The following TACC1 variants were observed in gnomAD, a reference collection of about 807,000 sequenced individuals.
TACC1 encodes transforming acidic coiled-coil-containing protein 1.
Under a neutral mutation model 84.4 loss-of-function variants are expected in TACC1, and 48 were observed. That is an observed-to-expected ratio of 0.57 (90% CI 0.45 to 0.72). The LOEUF (loss-of-function observed/expected upper bound fraction) is 0.72. TACC1 is among the 30% of genes least tolerant of loss of function. TACC1 has a pLI of 0.00. For missense variants in TACC1, 920 were observed against 973.0 expected, an observed-to-expected ratio of 0.95 and a Z score of 0.72; for synonymous variants, 372 against 376.3, an observed-to-expected ratio of 0.99 and a Z score of 0.13.
chr8:38,762,573 G>A (rs1291846616), intron 3 of TACC1, among the ~76,000 whole-genome samples: 3 of 144,538 alleles, frequency 2.1e-5, no homozygotes, highest in Non-Finnish European at 3.0e-5. Context: ...GTTTTTTTTG[G>A]GGGGACAGAG....
Position 38,844,464 on chromosome 8 carries a change from G to A in TACC1, c.2228+1069G>A, listed in dbSNP as rs150156823. Among the ~76,000 whole-genome samples, 423 of 152,172 alleles carry A rather than the reference G, an allele frequency of 2.8e-3. 3 individuals are homozygous for A. The highest frequency in any genetic ancestry group is 5.3e-3 in the Non-Finnish European group (359 of 68,008). On this transcript the variant is annotated intron_variant, in intron 11 of 12. Coordinates refer to ENST00000317827, the MANE Select transcript of TACC1 (RefSeq NM_006283.3). ...GCTGGGATTACAGGTGTGAGCCACC[G>A]CGCCCAGCCCCAGAGCATTTATTTT...
intron 11 of TACC1, among the ~76,000 whole-genome samples, chr8:38,845,856 G>A (rs1309502179): frequency 6.6e-6 from 1 of 152,158 alleles, no homozygotes; most frequent in Non-Finnish European, 1.5e-5. Flanking sequence ...GGCCCACACA[G>A]GACTGTCCTT....
rs139423562 is a variant in TACC1 at position 38,843,299 on chromosome 8, C to A, written c.2132C>A (p.Ala711Asp). Reference protein sequence around the residue: ...VLEGFKKNEEALKKCAQDYLA... With the variant: ...VLEGFKKNEEDLKKCAQDYLA... ...TTTGCTTTGGAACAGAATGAAGAAG[C>A]CTTGAAGAAATGTGCTCAGGATTAC... The change falls in exon 11 of 13, where the codon GCC becomes GAC. Residue 711 changes from alanine (A) to aspartate (D), a missense_variant. Coordinates refer to ENST00000317827, the MANE Select transcript of TACC1 (RefSeq NM_006283.3). The A allele has an allele frequency of 2.5e-6, 4 of 1,592,530 alleles. No homozygotes were observed. The highest frequency in any genetic ancestry group is 2.3e-5 in the South Asian group (2 of 86,642).
intron 8 of TACC1, among the ~76,000 whole-genome samples, chr8:38,838,939 C>T (rs546227176): frequency 1.3e-5 from 2 of 152,062 alleles, no homozygotes; most frequent in African/African-American, 4.8e-5. Context: ...CTCTGTCATC[C>T]AGGCTGGAGT....
intron 3 of TACC1, among the ~76,000 whole-genome samples, chr8:38,752,655 A>C (rs867745640): frequency 6.6e-6 from 1 of 152,304 alleles, no homozygotes; most frequent in Middle Eastern, 3.4e-3. Context: ...CATTGTATTC[A>C]GCAGCCCACT....
At position 38,819,919 on chromosome 8, in the gene TACC1, C is replaced by A; in HGVS notation, c.675C>A (p.Ser225Arg). 1 of 1,614,092 alleles carries A rather than the reference C, an allele frequency of 6.2e-7. No individual in the cohort carries two copies. Among genetic ancestry groups the A allele is most frequent in the Non-Finnish European group, 8.5e-7 (1 of 1,180,030 alleles). ...AGNSCPELVP[S>R]RRSKLRKPKP... is the part of the protein sequence containing the mutation. ...ACTCCTGTCCAGAGCTTGTGCCCAG[C>A]AGAAGAAGCAAGCTGAGAAAGCCCA... Residue 225 changes from serine (S) to arginine (R), a missense_variant, in exon 3 of 13, where the codon AGC (serine) becomes AGA (arginine). Ser to Arg is a moderately radical substitution (Grantham distance 110, BLOSUM62 -1). Coordinates refer to ENST00000317827, the MANE Select transcript of TACC1 (RefSeq NM_006283.3).
At chr8:38,776,070 T>C (rs1186076562) in intron 3 of TACC1, among the ~76,000 whole-genome samples, 1 of 152,256 alleles carries the variant, frequency 6.6e-6, no homozygotes, top group African/African-American at 2.4e-5. Context: ...TGTTATTATT[T>C]ATCCTTAGAA....
chr8:38,843,962 T>C (rs374934286), intron 11 of TACC1, among the ~76,000 whole-genome samples: 1 of 152,314 alleles, frequency 6.6e-6, no homozygotes, highest in East Asian at 1.9e-4. Flanking sequence ...CCAAAGCATA[T>C]ATGAATTTAT....
chr8:38,764,165 C>T (rs1811758162), intron 3 of TACC1, among the ~76,000 whole-genome samples: 1 of 152,136 alleles, frequency 6.6e-6, no homozygotes, highest in Non-Finnish European at 1.5e-5. Flanking sequence ...GCAACCTCCA[C>T]CTTCCTGGTT....
At position 38,776,639 on chromosome 8, in the gene TACC1, G is replaced by A. The variant is rs1018448547; in HGVS notation, c.27-12065G>A. On this transcript the variant is annotated intron_variant, in intron 3 of 14. Coordinates refer to the TACC1 transcript ENST00000518415. ...TGAAACAAAGTTTTGACTGTGTTTT[G>A]ACTGTGACTGGCCACATGAAATTAG... 4.6e-5 allele frequency among the ~76,000 whole-genome samples: 7 copies of A among 152,302 alleles called. No individual in the cohort carries two copies. The South Asian group carries it at 1.0e-3, about 23-fold the overall frequency.
At chr8:38,847,024 C>T (rs1832445878) in intron 12 of TACC1, among the ~76,000 whole-genome samples, 1 of 152,258 alleles carries the variant, frequency 6.6e-6, no homozygotes, top group Non-Finnish European at 1.5e-5. Context: ...AAATCATCCA[C>T]AGGCAGGGTG....
upstream of TACC1, among the ~76,000 whole-genome samples, chr8:38,783,080 ATCTATCTATCTATCTATCTATCTATC>A (rs1047773503): frequency 6.6e-5 from 7 of 106,628 alleles, no homozygotes; most frequent in Admixed American, 1.8e-4. Context: ...CTATCTATCT[ATCTATCTATCTATCTATCTATCTATC>A]TATATATATA....
intron 4 of TACC1, among the ~76,000 whole-genome samples, 189 bp from the exon 5 acceptor site, chr8:38,826,979 C>T (rs1828213917): frequency 6.6e-6 from 1 of 152,200 alleles, no homozygotes; most frequent in African/African-American, 2.4e-5. Flanking sequence ...GTTACAGAAA[C>T]TAGGTTCTAT....
At position 38,842,352 on chromosome 8, in the gene TACC1, C is replaced by G. The variant is rs1563965288; in HGVS notation, c.2026C>G (p.Gln676Glu). The G allele has an allele frequency of 1.2e-6, 2 of 1,614,092 alleles. No homozygotes were observed. Among genetic ancestry groups the G allele is most frequent in the Admixed American group, 1.7e-5 (1 of 60,016 alleles). Reference sequence around the variant, plus strand: ...CCAGCAACTGACCATGGAGAAGGAACAGGCCCTGGCTGACCTTAACTCTGT... The same window carrying G: ...CCAGCAACTGACCATGGAGAAGGAAGAGGCCCTGGCTGACCTTAACTCTGT... ...SFQQLTMEKE[Q>E]ALADLNSVER... The change falls in exon 10 of 13, where the codon CAG becomes GAG. Residue 676 changes from glutamine to glutamate, a missense_variant. By Grantham distance (29) the Gln-to-Glu change is conservative (BLOSUM62 2). Transcript: ENST00000317827.
chr8:38,759,935 C>T lies in TACC1; in HGVS notation c.26+14442C>T, dbSNP rs373424944. 3.0e-4 allele frequency among the ~76,000 whole-genome samples: 45 copies of T among 152,266 alleles called. No homozygotes were observed. The East Asian group carries it at 6.7e-3, about 23-fold the overall frequency. ...GTTCATTGTTAATGTTACCCGGCTA[C>T]AGACTTCCTGCCGAACATATGGCTG... On this transcript the variant is annotated intron_variant, in intron 3 of 14. Coordinates refer to the TACC1 transcript ENST00000518415.
At chr8:38,797,211 G>A (rs1401827971) in intron 2 of TACC1, among the ~76,000 whole-genome samples, 6 of 152,210 alleles carry the variant, frequency 3.9e-5, no homozygotes, top group Non-Finnish European at 8.8e-5. Flanking sequence ...CTGTGACTTA[G>A]CCTCAAAAGT....
Position 38,821,354 on chromosome 8 carries a change from G to T in TACC1, c.1391+719G>T, listed in dbSNP as rs1050850262. Among the ~76,000 whole-genome samples, 4 of 152,158 alleles carry T rather than the reference G, an allele frequency of 2.6e-5. 1 individual carries two copies. Among genetic ancestry groups the T allele is most frequent in the African/African-American group, 9.7e-5 (4 of 41,420 alleles). On this transcript the variant is annotated intron_variant, in intron 3 of 12. Transcript: ENST00000317827. ...CTCTATGGATAAAACAGAAATTCCA[G>T]TCCTGTAACTTACCTCTGTAGCGTC...
chr8:38,780,313 A>G (rs998577317), intron 3 of TACC1, among the ~76,000 whole-genome samples: 2 of 152,154 alleles, frequency 1.3e-5, no homozygotes, highest in Non-Finnish European at 2.9e-5. Flanking sequence ...TGCTCCAATC[A>G]TAAATCTTCC....
intron 1 of TACC1, among the ~76,000 whole-genome samples, chr8:38,733,946 C>T (rs1805469352): frequency 6.6e-6 from 1 of 152,178 alleles, no homozygotes; most frequent in African/African-American, 2.4e-5. Context: ...TTCGGGTCCT[C>T]CTTAGACGTC....
Sources: allele counts gnomAD v4.1 joint callset (sites outside exome capture counted in the v4.1 genomes callset), GRCh38; gene constraint gnomAD v4.1.1; transcripts MANE v1.5; gene names NCBI Gene and HGNC (gene_info 2026-07-23, HGNC 2026-07-21).